GRIK1: variants seen among roughly 807,000 people sequenced by gnomAD.
The protein encoded by GRIK1 is glutamate receptor ionotropic, kainate 1.
In GRIK1, 69 loss-of-function variants were observed where a neutral mutation model predicts 105.7. That is an observed-to-expected ratio of 0.65 (90% CI 0.54 to 0.80). The LOEUF (loss-of-function observed/expected upper bound fraction) is 0.80, where lower values mean the gene tolerates loss of function less well. GRIK1 is among the 30% of genes least tolerant of loss of function. The pLI, the probability that GRIK1 is intolerant of heterozygous loss-of-function variation, is 0.00. For missense variants in GRIK1, 1,109 were observed against 1,167.3 expected, an observed-to-expected ratio of 0.95 and a Z score of 0.73; for synonymous variants, 438 against 431.3, an observed-to-expected ratio of 1.02 and a Z score of -0.19.
At chr21:29,917,785 A>G (rs1431395888) in intron 1 of GRIK1, among the ~76,000 whole-genome samples, 1 of 152,014 alleles carries the variant, frequency 6.6e-6, no homozygotes, top group East Asian at 1.9e-4. Flanking sequence ...TTTCTGATGT[A>G]TTTCATCTTA....
chr21:29,734,380 T>C (rs2064721432), intron 1 of GRIK1, among the ~76,000 whole-genome samples: 1 of 61,212 alleles, frequency 1.6e-5, no homozygotes, highest in Non-Finnish European at 4.0e-5. Flanking sequence ...TCTTTTCTTT[T>C]CTTTTCTTTT....
At chr21:29,867,935 AAAG>A (rs1415337991) in intron 1 of GRIK1, among the ~76,000 whole-genome samples, 15,049 of 127,662 alleles carry the variant, frequency 0.12, 1,102 homozygotes, top group East Asian at 0.31. Context: ...AAAGAGAGAG[AAAG>A]AGAGAGAGAA....
rs375624242 is a variant in GRIK1 at position 29,560,302 on chromosome 21, T to TC, written c.2356+1321dup. Reference sequence around the variant, plus strand: ...AGTTTTCTTTCTTTCTTTCTTTCTTTCTTTCTTTCTTTCTTTCTTTCTTTC... The same window carrying TC: ...AGTTTTCTTTCTTTCTTTCTTTCTTTCCTTTCTTTCTTTCTTTCTTTCTTTC... On this transcript the variant is annotated intron_variant, in intron 15 of 17. Transcript: ENST00000327783. Among the ~76,000 whole-genome samples the TC allele has an allele frequency of 3.4e-4, 36 of 105,134 alleles. 1 individual carries two copies. Among genetic ancestry groups the TC allele is most frequent in the African/African-American group, 1.5e-3 (34 of 23,078 alleles). 69.0% of individuals were successfully genotyped at this position (105,134 alleles called of 152,430 possible).
rs1203320148 is a variant in GRIK1, at chr21:29,632,873, T to A, written c.1098+9953A>T. Among the ~76,000 whole-genome samples the A allele has an allele frequency of 3.3e-5, 5 of 152,338 alleles. No homozygotes were observed. In the East Asian group the frequency reaches 7.7e-4, roughly 23 times the overall value. ...TTGCAACATTTCTTGTTGGAGACTG[T>A]TCACCCAGCCACTGATTGACTATTT... On this transcript the variant is annotated intron_variant, in intron 7 of 17. Transcript: ENST00000327783.
intron 1 of GRIK1, among the ~76,000 whole-genome samples, chr21:29,822,076 A>G (rs1206134532): frequency 2.6e-5 from 4 of 152,006 alleles, no homozygotes; most frequent in Non-Finnish European, 5.9e-5. Flanking sequence ...TTAAAATTTG[A>G]GTCTATTTTT....
At chr21:29,581,337 C>A (rs1601175315) in intron 13 of GRIK1, 88 bp downstream of exon 13, 3 of 799,710 alleles carry the variant, frequency 3.8e-6, no homozygotes, top group African/African-American at 3.4e-5. Flanking sequence ...TTTCATCCTA[C>A]CCTCTAGCTT....
At position 29,924,865 on chromosome 21, in the gene GRIK1, C is replaced by G. The variant is rs891957156; in HGVS notation, c.118+14518G>C. Among the ~76,000 whole-genome samples the G allele has an allele frequency of 5.3e-5, 8 of 152,266 alleles. No individual in the cohort carries two copies. In the East Asian group the frequency reaches 1.4e-3, roughly 26 times the overall value. ...CCTTCTAATGTTTATGGATCTGGCT[C>G]TAAGTAGAAATGCACATTTAATCAC... is the stretch of plus-strand genomic sequence containing the variant. On this transcript the variant is annotated intron_variant, in intron 1 of 17. Coordinates refer to ENST00000327783, the MANE Select transcript of GRIK1 (RefSeq NM_001330994.2).
At chr21:29,549,748 CT>C (rs2146109569) in intron 16 of GRIK1, among the ~76,000 whole-genome samples, 1 of 152,184 alleles carries the variant, frequency 6.6e-6, no homozygotes, top group South Asian at 2.1e-4. Flanking sequence ...GGTCGGGTCA[CT>C]GTGGTCTTAG....
intron 7 of GRIK1, among the ~76,000 whole-genome samples, chr21:29,607,133 T>C (rs905008758): frequency 3.3e-5 from 5 of 152,178 alleles, no homozygotes; most frequent in Non-Finnish European, 7.3e-5. Context: ...CAGGAATAAT[T>C]GTGAACCTGG....
At chr21:29,888,534 G>C (rs2069764547) in intron 1 of GRIK1, among the ~76,000 whole-genome samples, 1 of 151,790 alleles carries the variant, frequency 6.6e-6, no homozygotes, top group Non-Finnish European at 1.5e-5. Flanking sequence ...CCAAACTGTT[G>C]GGAACCACTT....
intron 1 of GRIK1, among the ~76,000 whole-genome samples, chr21:29,805,130 C>A (rs181235993): frequency 6.6e-6 from 1 of 152,102 alleles, no homozygotes; most frequent in Non-Finnish European, 1.5e-5. Flanking sequence ...TATGAATGGG[C>A]ACAAACCACC....
intron 12 of GRIK1, chr21:29,582,169 C>T (rs2091036448): frequency 3.3e-6 from 1 of 299,226 alleles, no homozygotes; most frequent in Admixed American, 4.7e-5. Context: ...AAATCATGAT[C>T]CTAAAGGAAG....
chr21:29,727,006 G>C (rs2146881558), intron 1 of GRIK1, among the ~76,000 whole-genome samples: 1 of 152,148 alleles, frequency 6.6e-6, no homozygotes, highest in African/African-American at 2.4e-5. Flanking sequence ...CTTGATCTCA[G>C]CTCACTGAAA....
At chr21:29,761,014 C>T (rs116323224) in intron 1 of GRIK1, among the ~76,000 whole-genome samples, 241 of 152,234 alleles carry the variant, frequency 1.6e-3, no homozygotes, top group African/African-American at 5.6e-3. Flanking sequence ...TTTACCTTTC[C>T]TGTGTGATAC....
chr21:29,899,557 T>C (rs531616264), intron 1 of GRIK1, among the ~76,000 whole-genome samples: 1 of 152,084 alleles, frequency 6.6e-6, no homozygotes, highest in East Asian at 1.9e-4. Flanking sequence ...TTTTTTTTGG[T>C]ATGTTTTGCT....
At chr21:29,811,549 GT>G (rs1254272500) in intron 1 of GRIK1, among the ~76,000 whole-genome samples, 1 of 152,114 alleles carries the variant, frequency 6.6e-6, no homozygotes, top group Non-Finnish European at 1.5e-5. Flanking sequence ...ATTCAAGTAT[GT>G]TTAGTGGAGT....
chr21:29,596,596 A>G (rs372810146), intron 8 of GRIK1, 26 bp from the exon 9 acceptor site: 147 of 1,552,368 alleles, frequency 9.5e-5, no homozygotes, highest in Non-Finnish European at 1.2e-4. Context: ...GAAAAATAAA[A>G]TAAAAACAGC....
At chr21:29,570,668 T>C (rs1260967212) in intron 14 of GRIK1, among the ~76,000 whole-genome samples, 2 of 152,212 alleles carry the variant, frequency 1.3e-5, no homozygotes, top group Non-Finnish European at 2.9e-5. Context: ...ATAAATGTTC[T>C]GCCTCCCTTT....
At chr21:29,631,348 A>C (rs969507991) in intron 7 of GRIK1, among the ~76,000 whole-genome samples, 3 of 152,180 alleles carry the variant, frequency 2.0e-5, no homozygotes, top group Admixed American at 6.5e-5. Flanking sequence ...TAGAGTCCCC[A>C]TGGTGGGATG....
Sources: gnomAD v4.1 joint callset for allele counts (sites outside exome capture counted in the v4.1 genomes callset) on GRCh38, gnomAD v4.1.1 for gene constraint, MANE v1.5 for transcripts, NCBI Gene and HGNC (gene_info 2026-07-23, HGNC 2026-07-21) for gene names.